The following PCDHGB4 variants were observed in gnomAD, a reference collection of about 807,000 sequenced individuals.
PCDHGB4 encodes the protein protocadherin gamma subfamily B, 4.
Under a neutral mutation model 60.5 loss-of-function variants are expected in PCDHGB4, and 38 were observed. The observed-to-expected ratio is 0.63, with a 90% confidence interval of 0.48 to 0.82. The LOEUF (loss-of-function observed/expected upper bound fraction) is 0.82. Among genes scored for constraint, PCDHGB4 ranks in the 40% least tolerant of loss-of-function variants. PCDHGB4 has a pLI of 0.00. For missense variants in PCDHGB4, 1,109 were observed against 1,209.6 expected (o/e 0.92, Z 1.23); for synonymous variants, 456 against 509.7 (o/e 0.89, Z 1.42).
chr5:141,487,623 C>T lies in PCDHGB4; in HGVS notation c.2398-7184C>T, dbSNP rs2099654624. On this transcript the variant is annotated intron_variant, in intron 1 of 3. Coordinates refer to ENST00000519479, the MANE Select transcript of PCDHGB4 (RefSeq NM_003736.4). This position sits in a 1 kb window ranked among gnomAD's most constrained non-coding sequence, Gnocchi z 5.0. The stretch of plus-strand genomic sequence containing the variant: ...CTTCTCTATGGGCTAGAGGTGAGAC[C>T]TTTGCAGGCTCAACAAATGCTTGAG... 6.2e-7 allele frequency: 1 copy of T among 1,614,088 alleles called. No individual in the cohort carries two copies. The highest frequency in any genetic ancestry group is 1.3e-5 in the African/African-American group (1 of 74,930).
At chr5:141,414,753 T>G (rs10041534) in intron 1 of PCDHGB4, 22 of 1,614,088 alleles carry the variant, frequency 1.4e-5, no homozygotes, top group Non-Finnish European at 1.8e-5. Context: ...CCTTCGACTA[T>G]GAGCAGTTTC....
At chr5:141,394,660 T>G in intron 1 of PCDHGB4, 1 of 1,613,264 alleles carries the variant, frequency 6.2e-7, no homozygotes, top group East Asian at 2.2e-5. Context: ...GAGCCGGGAC[T>G]CTTCTCGGTG....
At chr5:141,410,182 T>G in intron 1 of PCDHGB4, 1 of 1,613,868 alleles carries the variant, frequency 6.2e-7, no homozygotes, top group Non-Finnish European at 8.5e-7. Flanking sequence ...CCGCCACGCT[T>G]CATCTGGTCT....
chr5:141,392,640 A>T, intron 1 of PCDHGB4: 1 of 651,284 alleles, frequency 1.5e-6, no homozygotes, highest in Non-Finnish European at 2.5e-6. Context: ...CTCACACCTC[A>T]CGAAGACCCG....
At chr5:141,400,089 C>T (rs200160561) in intron 1 of PCDHGB4, 568 of 1,613,960 alleles carry the variant, frequency 3.5e-4, no homozygotes, top group Non-Finnish European at 4.6e-4. Flanking sequence ...CCGCCACCGC[C>T]ACGCTGCACT....
intron 1 of PCDHGB4, among the ~76,000 whole-genome samples, chr5:141,465,538 A>AT (rs2099105284): frequency 6.6e-6 from 1 of 152,112 alleles, no homozygotes; most frequent in Non-Finnish European, 1.5e-5. Context: ...TTTCCCAGGC[A>AT]TTTTTTCTGC....
At chr5:141,440,696 A>G (rs2098194818) in intron 1 of PCDHGB4, 1 of 152,210 alleles carries the variant, frequency 6.6e-6, no homozygotes, top group Non-Finnish European at 1.5e-5. Flanking sequence ...AAAGTGACCA[A>G]CAGTGGAAAG....
intron 1 of PCDHGB4, chr5:141,397,999 G>GA (rs2093596115): frequency 2.9e-6 from 4 of 1,387,690 alleles, no homozygotes; most frequent in African/African-American, 2.9e-5. Flanking sequence ...TTCCTCCTCG[G>GA]AAAAAGAATC....
intron 1 of PCDHGB4, chr5:141,398,210 C>T (rs755562930): frequency 1.3e-6 from 2 of 1,483,862 alleles, no homozygotes; most frequent in South Asian, 1.3e-5. Flanking sequence ...TTCTGCCCGG[C>T]GCTCTGTGAG....
In PCDHGB4 at chr5:141,392,739, A is replaced by G. The variant is rs1024855569; in HGVS notation, c.2397+2458A>G. On this transcript the variant is annotated intron_variant, in intron 1 of 3. Transcript: ENST00000519479. ...GTTTCCGGAGGATTGTCATCTCCAT[A>G]GCTGCGGCAAGAAACTAAATAAGAC... The G allele has an allele frequency of 2.1e-5, 30 of 1,432,662 alleles. No individual in the cohort carries two copies. The African/African-American group carries it at 4.2e-4, about 20-fold the overall frequency. 88.7% of individuals were successfully genotyped at this position (1,432,662 alleles called of 1,614,324 possible).
chr5:141,476,977 C>T lies in PCDHGB4; in HGVS notation c.2398-17830C>T, dbSNP rs141692339. 3,083 of 1,614,232 alleles carry T rather than the reference C, an allele frequency of 1.9e-3. 52 individuals carry two copies. The African/African-American group carries it at 0.034, about 18-fold the overall frequency. Reference sequence around the variant, plus strand: ...TTATTTACTCCTTCGGCAGCCACAACCGCGCCGGCGTGCGGCAACTATTCG... The same window carrying T: ...TTATTTACTCCTTCGGCAGCCACAATCGCGCCGGCGTGCGGCAACTATTCG... On this transcript the variant is annotated intron_variant, in intron 1 of 3. Coordinates refer to ENST00000519479, the MANE Select transcript of PCDHGB4 (RefSeq NM_003736.4). This position sits in a 1 kb window ranked among gnomAD's most constrained non-coding sequence, Gnocchi z 7.6.
chr5:141,422,414 A>G (rs2096646645), intron 1 of PCDHGB4: 1 of 1,604,894 alleles, frequency 6.2e-7, no homozygotes, highest in Admixed American at 1.7e-5. Context: ...TTTAAATTAG[A>G]AAAGACTTAT....
At chr5:141,478,766 T>C in intron 1 of PCDHGB4, 2 of 1,505,456 alleles carry the variant, frequency 1.3e-6, no homozygotes, top group Non-Finnish European at 1.8e-6. Flanking sequence ...GATACTTGAC[T>C]CATCTGTGGA....
At chr5:141,413,500 A>C (rs1422297029) in intron 1 of PCDHGB4, 2 of 1,614,034 alleles carry the variant, frequency 1.2e-6, no homozygotes, top group South Asian at 1.1e-5. Flanking sequence ...GTGCGTGGTG[A>C]GTTTTAATAT....
At chr5:141,422,040 C>T (rs1045003805) in intron 1 of PCDHGB4, 10 of 1,611,324 alleles carry the variant, frequency 6.2e-6, no homozygotes, top group African/African-American at 4.0e-5. Context: ...CGGATCCAGA[C>T]GAGGGAATCA....
chr5:141,420,934 C>A (rs2096533899), intron 1 of PCDHGB4: 2 of 377,936 alleles, frequency 5.3e-6, no homozygotes, highest in South Asian at 5.3e-5. Flanking sequence ...TGAGCGTAAT[C>A]ATTTCTTCTG....
Position 141,490,520 on chromosome 5 carries a change from G to A in PCDHGB4, c.2398-4287G>A. 1 of 1,614,072 alleles carries A rather than the reference G, an allele frequency of 6.2e-7. No individual in the cohort carries two copies. Among genetic ancestry groups the A allele is most frequent in the Non-Finnish European group, 8.5e-7 (1 of 1,180,014 alleles). ...CACTATATCATCGAGCTGCTGGCCAGCGATGCTGGTTCACCTTCCCTACAC... is the reference window on the plus strand; with the variant it reads ...CACTATATCATCGAGCTGCTGGCCAACGATGCTGGTTCACCTTCCCTACAC... On this transcript the variant is annotated intron_variant, in intron 1 of 3. Coordinates refer to ENST00000519479, the MANE Select transcript of PCDHGB4 (RefSeq NM_003736.4). The surrounding 1 kb of genome is among the most constrained non-coding windows in gnomAD (Gnocchi z 5.4).
At chr5:141,422,716 G>T (rs1348237465) in intron 1 of PCDHGB4, 1 of 1,604,378 alleles carries the variant, frequency 6.2e-7, no homozygotes, top group African/African-American at 1.3e-5. Context: ...GGATGACACT[G>T]TCCAGGGGGT....
At position 141,404,694 on chromosome 5, in the gene PCDHGB4, C is replaced by G. The variant is rs749803871; in HGVS notation, c.2397+14413C>G. 3.1e-6 allele frequency: 5 copies of G among 1,613,998 alleles called. No individual in the cohort carries two copies. In the Admixed American group the frequency reaches 5.0e-5, roughly 16 times the overall value. On this transcript the variant is annotated intron_variant, in intron 1 of 3. Coordinates refer to ENST00000519479, the MANE Select transcript of PCDHGB4 (RefSeq NM_003736.4). ...ACTGGTGTGGAGCTGGCACCCCGCT[C>G]TGCAGAGCCTGGCTACCTGGTGACC...
Sources: gnomAD v4.1 joint callset for allele counts (sites outside exome capture counted in the v4.1 genomes callset) on GRCh38, gnomAD v4.1.1 for gene constraint, Gnocchi (gnomAD v3.1) non-coding constraint, MANE v1.5 for transcripts, NCBI Gene and HGNC (gene_info 2026-07-23, HGNC 2026-07-21) for gene names.